The following AGBL4 variants were observed in gnomAD, a reference collection of about 807,000 sequenced individuals.
AGBL4 encodes cytosolic carboxypeptidase 6.
A neutral mutation model predicts 66.4 loss-of-function variants in AGBL4; 58 were observed. The ratio of observed to expected loss-of-function variants is 0.87; its 90% CI spans 0.71 to 1.09. The LOEUF is 1.09. AGBL4 is among the 50% of genes least tolerant of loss of function. AGBL4 has a pLI of 0.00. For missense variants in AGBL4, 579 were observed against 631.0 expected (o/e 0.92, Z 0.88); for synonymous variants, 234 against 222.9 (o/e 1.05, Z -0.44).
chr1:49,620,710 A>G (rs1336049158), intron 3 of AGBL4, among the ~76,000 whole-genome samples: 1 of 152,212 alleles, frequency 6.6e-6, no homozygotes, highest in African/African-American at 2.4e-5. Flanking sequence ...ACACAGTGCA[A>G]GGATTAAACA....
intron 11 of AGBL4, among the ~76,000 whole-genome samples, chr1:48,568,941 CA>C (rs1209819944): frequency 5.3e-5 from 8 of 152,128 alleles, no homozygotes; most frequent in African/African-American, 1.9e-4. Context: ...GGTCCTCAGC[CA>C]CCTTGTATGG....
intron 2 of AGBL4, among the ~76,000 whole-genome samples, chr1:49,765,755 C>G (rs1169591804): frequency 6.6e-6 from 1 of 151,706 alleles, no homozygotes; most frequent in Non-Finnish European, 1.5e-5. Context: ...TCAATCAGAA[C>G]AATGGAAATT....
At chr1:48,606,445 G>A (rs1202426289) in intron 9 of AGBL4, among the ~76,000 whole-genome samples, 1 of 152,190 alleles carries the variant, frequency 6.6e-6, no homozygotes, top group Non-Finnish European at 1.5e-5. Context: ...AAAGAGGCTG[G>A]TGATAATAAA....
intron 2 of AGBL4, among the ~76,000 whole-genome samples, chr1:49,716,069 G>A (rs1190072625): frequency 4.6e-5 from 7 of 152,014 alleles, no homozygotes; most frequent in Non-Finnish European, 1.0e-4. Flanking sequence ...TTCTCCTAGG[G>A]TTTTTATGGT....
chr1:49,687,023 A>G (rs190318939), intron 3 of AGBL4, among the ~76,000 whole-genome samples: 30 of 152,332 alleles, frequency 2.0e-4, no homozygotes, highest in Non-Finnish European at 3.5e-4. Flanking sequence ...GCCAATAAGT[A>G]TGTAAGTCAA....
chr1:48,982,141 G>T (rs930894213), intron 5 of AGBL4, among the ~76,000 whole-genome samples: 9 of 152,170 alleles, frequency 5.9e-5, no homozygotes, highest in Admixed American at 5.9e-4. Flanking sequence ...AAGTACAAGG[G>T]AGAAGGAGTA....
chr1:49,140,971 C>T (rs898044420), intron 4 of AGBL4, among the ~76,000 whole-genome samples: 4 of 151,920 alleles, frequency 2.6e-5, no homozygotes, highest in Admixed American at 2.6e-4. Context: ...AAGGTGGGTG[C>T]CATTTCTTAG....
chr1:49,614,932 A>T (rs1434469533), intron 3 of AGBL4, among the ~76,000 whole-genome samples: 1 of 152,156 alleles, frequency 6.6e-6, no homozygotes, highest in African/African-American at 2.4e-5. Flanking sequence ...GTCTGGCACA[A>T]AACAGACACT....
intron 5 of AGBL4, among the ~76,000 whole-genome samples, chr1:48,925,873 T>C (rs571336418): frequency 6.6e-6 from 1 of 152,092 alleles, no homozygotes; most frequent in African/African-American, 2.4e-5. Flanking sequence ...GTATAGAAGT[T>C]TTTTTCTGAG....
intron 3 of AGBL4, among the ~76,000 whole-genome samples, chr1:49,605,901 C>G (rs930802424): frequency 6.6e-6 from 1 of 151,912 alleles, no homozygotes; most frequent in African/African-American, 2.4e-5. Flanking sequence ...TAGGATCATT[C>G]AAAAAACTAT....
intron 6 of AGBL4, among the ~76,000 whole-genome samples, chr1:48,672,832 T>G (rs1035018647): frequency 6.6e-6 from 1 of 152,132 alleles, no homozygotes; most frequent in East Asian, 1.9e-4. Context: ...CTAAGAACAA[T>G]TGTTATGAAA....
At chr1:48,911,092 G>A (rs1352023068) in intron 5 of AGBL4, among the ~76,000 whole-genome samples, 1 of 152,154 alleles carries the variant, frequency 6.6e-6, no homozygotes, top group Non-Finnish European at 1.5e-5. Context: ...ATCCCATCAA[G>A]CTCATTCATC....
intron 1 of AGBL4, among the ~76,000 whole-genome samples, chr1:49,897,658 T>C (rs755341955): frequency 4.6e-5 from 7 of 151,550 alleles, no homozygotes; most frequent in Non-Finnish European, 1.0e-4. Flanking sequence ...CTATCCTAAG[T>C]AAAAAGAACA....
chr1:49,214,045 T>C (rs1212163099), intron 4 of AGBL4, among the ~76,000 whole-genome samples: 2 of 152,104 alleles, frequency 1.3e-5, no homozygotes, highest in Non-Finnish European at 2.9e-5. Flanking sequence ...AGCTCCTACT[T>C]TTTCTTGGAC....
intron 5 of AGBL4, among the ~76,000 whole-genome samples, chr1:48,991,982 C>T (rs1012429052): frequency 1.3e-5 from 2 of 152,066 alleles, no homozygotes; most frequent in African/African-American, 4.8e-5. Context: ...TGGGATTGGT[C>T]CCTGGTGTCT....
chr1:49,421,902 C>A (rs1645554016), intron 3 of AGBL4, among the ~76,000 whole-genome samples: 1 of 152,150 alleles, frequency 6.6e-6, no homozygotes, highest in Non-Finnish European at 1.5e-5. Context: ...CACTCCACCT[C>A]CAGTTCTATC....
intron 3 of AGBL4, among the ~76,000 whole-genome samples, chr1:49,416,844 C>T (rs1645436606): frequency 1.3e-5 from 2 of 151,938 alleles, no homozygotes; most frequent in African/African-American, 4.8e-5. Flanking sequence ...GCATGTAAGG[C>T]AGCTGACTCA....
At chr1:49,437,374 G>A (rs1011547113) in intron 3 of AGBL4, among the ~76,000 whole-genome samples, 2 of 152,102 alleles carry the variant, frequency 1.3e-5, no homozygotes, top group Non-Finnish European at 2.9e-5. Context: ...GCTGAGATGT[G>A]AACTCTGTCT....
chr1:48,544,243 C>G (rs779967970), intron 11 of AGBL4, among the ~76,000 whole-genome samples: 4 of 152,204 alleles, frequency 2.6e-5, no homozygotes, highest in Non-Finnish European at 4.4e-5. Context: ...TGGAGGCAGT[C>G]TCACCCAGCT....
Sources: gnomAD v4.1 joint callset for allele counts (sites outside exome capture counted in the v4.1 genomes callset) on GRCh38, gnomAD v4.1.1 for gene constraint, MANE v1.5 for transcripts, NCBI Gene and HGNC (gene_info 2026-07-23, HGNC 2026-07-21) for gene names.